The following DCX variants were observed in gnomAD, a reference collection of about 807,000 sequenced individuals.
DCX encodes the protein doublecortin.
DCX carries 4 observed loss-of-function variants against 20.9 expected under a neutral mutation model. The ratio of observed to expected loss-of-function variants is 0.19; its 90% CI spans 0.09 to 0.44. The LOEUF (loss-of-function observed/expected upper bound fraction) is 0.44. Ranked by LOEUF, DCX falls within the 20% of genes least tolerant of loss-of-function variation. The probability of loss-of-function intolerance (pLI) is 0.99; values close to 1 mark genes in which losing one functional copy is unlikely to be tolerated. For synonymous variants in DCX, 103 were observed against 111.4 expected (o/e 0.92, Z 0.47); for missense variants, 133 against 296.9 (o/e 0.45, Z 4.06).
intron 3 of DCX, among the ~76,000 whole-genome samples, chrX:111,337,039 C>A (rs1207890959): frequency 8.9e-6 from 1 of 112,080 alleles, no homozygotes; most frequent in Non-Finnish European, 1.9e-5. Flanking sequence ...TTAACACCTG[C>A]TTTTTAAAAT....
intron 3 of DCX, among the ~76,000 whole-genome samples, chrX:111,398,699 C>T (rs1927533787): frequency 1.8e-5 from 2 of 112,324 alleles, no homozygotes; most frequent in African/African-American, 6.5e-5. Flanking sequence ...TGGACTGGAG[C>T]TTGCTTCCCT....
chrX:111,404,101 C>T (rs1005002653), intron 2 of DCX, among the ~76,000 whole-genome samples: 25 of 51,199 alleles, frequency 4.9e-4, no homozygotes, highest in Non-Finnish European at 1.3e-3. Context: ...AAATGCTGAT[C>T]CCAGAGCCTG....
At chrX:111,313,453 G>A (rs967688046) in intron 5 of DCX, among the ~76,000 whole-genome samples, 1 of 111,177 alleles carries the variant, frequency 9.0e-6, no homozygotes, top group African/African-American at 3.3e-5. Flanking sequence ...GATTGGGAAT[G>A]GAGGAGAAAA....
intron 3 of DCX, among the ~76,000 whole-genome samples, chrX:111,396,732 C>A (rs1283399953): frequency 8.9e-6 from 1 of 111,847 alleles, no homozygotes; most frequent in Non-Finnish European, 1.9e-5. Flanking sequence ...GCCAAGGAAT[C>A]AAAAGAACAA....
chrX:111,306,262 C>T (rs1003518834), intron 6 of DCX, among the ~76,000 whole-genome samples: 23 of 110,549 alleles, frequency 2.1e-4, no homozygotes, highest in Non-Finnish European at 4.0e-4. Context: ...CAATCAGTAA[C>T]TAAAGAGAGC....
At chrX:111,376,233 C>T in intron 3 of DCX, among the ~76,000 whole-genome samples, 1 of 111,775 alleles carries the variant, frequency 8.9e-6, no homozygotes, top group Non-Finnish European at 1.9e-5. Context: ...TGTGTAGTAA[C>T]ACACCCCGCA....
At chrX:111,380,470 G>T (rs1267896130) in intron 3 of DCX, among the ~76,000 whole-genome samples, 1 of 111,311 alleles carries the variant, frequency 9.0e-6, no homozygotes, top group Admixed American at 9.6e-5. Flanking sequence ...AAAATCAATT[G>T]GTTGTAAATG....
At chrX:111,405,408 A>G (rs2147268705) in intron 2 of DCX, among the ~76,000 whole-genome samples, 1 of 112,479 alleles carries the variant, frequency 8.9e-6, no homozygotes. Flanking sequence ...AGAATAAATT[A>G]GTGAGAAGGT....
At chrX:111,304,639 C>T (rs1455209363) in intron 6 of DCX, among the ~76,000 whole-genome samples, 1 of 111,435 alleles carries the variant, frequency 9.0e-6, no homozygotes, top group Non-Finnish European at 1.9e-5. Context: ...CTTTTTTTAA[C>T]CTGACTCAGA....
At chrX:111,381,474 T>A (rs751069037) in intron 3 of DCX, among the ~76,000 whole-genome samples, 1 of 110,542 alleles carries the variant, frequency 9.0e-6, no homozygotes, top group South Asian at 3.9e-4. Flanking sequence ...AAGGCTTTCA[T>A]GGGAGGAGGT....
intron 2 of DCX, among the ~76,000 whole-genome samples, chrX:111,409,016 G>T (rs1444222344): frequency 9.0e-6 from 1 of 111,553 alleles, no homozygotes; most frequent in Non-Finnish European, 1.9e-5. Flanking sequence ...GGAATGAAAG[G>T]AGTGAGGAGA....
chrX:111,318,661 T>C (rs1042545008), intron 5 of DCX, among the ~76,000 whole-genome samples: 3 of 111,117 alleles, frequency 2.7e-5, no homozygotes, highest in Non-Finnish European at 5.7e-5. Flanking sequence ...TGGATGAAGC[T>C]GGAGGCCATT....
intron 6 of DCX, among the ~76,000 whole-genome samples, chrX:111,310,159 C>T (rs1339544978): frequency 1.8e-5 from 2 of 111,257 alleles, no homozygotes; most frequent in African/African-American, 6.5e-5. Context: ...GGTGAAACCT[C>T]GTCTCTACTA....
intron 2 of DCX, 43 bp from the exon 3 acceptor site, chrX:111,401,373 G>T: frequency 9.2e-7 from 1 of 1,084,467 alleles, no homozygotes; most frequent in Non-Finnish European, 1.3e-6. Context: ...TTTAATAGCA[G>T]ATATATGGAT....
chrX:111,373,500 AT>A (rs759862676), intron 3 of DCX, among the ~76,000 whole-genome samples: 87 of 111,821 alleles, frequency 7.8e-4, no homozygotes, highest in African/African-American at 2.7e-3. Context: ...AGTACACAAA[AT>A]AAATGGTGTT....
rs1292868411 is a variant in DCX at position 111,296,013 on chromosome X, A to G, written c.*5674T>C. 3 of 111,892 alleles carry G rather than the reference A, an allele frequency of 2.7e-5. No homozygotes were observed. The highest frequency in any genetic ancestry group is 2.8e-4 in the East Asian group (1 of 3,577). 9.2% of individuals were successfully genotyped at this position (111,892 alleles called of 1,213,427 possible). A position where few individuals can be genotyped will look rare whatever the true frequency, so the allele number is the denominator to read the frequency against. ...CAGGCTAAGAAGAGGCACATGCCCA[A>G]TGCCTAGACAGGGAGGAAGGAAAAA... On this transcript the variant is annotated 3_prime_UTR_variant, in exon 7 of 7. Coordinates refer to ENST00000636035, the MANE Select transcript of DCX (RefSeq NM_001195553.2).
rs973050386 is a variant in DCX, at chrX:111,327,831, C to T, written c.946+3073G>A. Among the ~76,000 whole-genome samples the T allele has an allele frequency of 3.6e-5, 4 of 111,990 alleles. No individual in the cohort carries two copies. The Admixed American group carries it at 3.8e-4, about 11-fold the overall frequency. On this transcript the variant is annotated intron_variant, in intron 5 of 6. Coordinates refer to ENST00000636035, the MANE Select transcript of DCX (RefSeq NM_001195553.2). ...ACTGTTTTGCCTGAGATCAGCTTTGCCCTTATGGAATGTTCACTGAATGGA... is the reference window on the plus strand; with the variant it reads ...ACTGTTTTGCCTGAGATCAGCTTTGTCCTTATGGAATGTTCACTGAATGGA...
At chrX:111,380,862 T>G (rs1407684266) in intron 3 of DCX, among the ~76,000 whole-genome samples, 1 of 111,159 alleles carries the variant, frequency 9.0e-6, no homozygotes, top group Non-Finnish European at 1.9e-5. Context: ...ATTTTTATAT[T>G]TGCGTGTTAT....
At chrX:111,310,098 C>T (rs1213334521) in intron 6 of DCX, among the ~76,000 whole-genome samples, 2 of 112,258 alleles carry the variant, frequency 1.8e-5, no homozygotes, top group African/African-American at 3.2e-5. Context: ...TTCGGAAGGC[C>T]GAGGCAGGCG....
Sources: allele counts gnomAD v4.1 joint callset (sites outside exome capture counted in the v4.1 genomes callset), GRCh38; gene constraint gnomAD v4.1.1; transcripts MANE v1.5; gene names NCBI Gene and HGNC (gene_info 2026-07-23, HGNC 2026-07-21).